Variants in LIN28B observed in about 807,000 individuals in gnomAD.
The protein encoded by LIN28B is lin-28 RNA binding posttranscriptional regulator B.
A neutral mutation model predicts 21.9 loss-of-function variants in LIN28B; 5 were observed. That is an observed-to-expected ratio of 0.23 (90% CI 0.12 to 0.48). The LOEUF is 0.48. Ranked by LOEUF, LIN28B falls within the 20% of genes least tolerant of loss-of-function variation. The pLI, the probability that LIN28B is intolerant of heterozygous loss-of-function variation, is 0.98. For missense variants in LIN28B, 245 were observed against 310.5 expected (o/e 0.79, Z 1.58); for synonymous variants, 109 against 111.3 (o/e 0.98, Z 0.13).
chr6:105,004,845 T>TA (rs1770783926), intron 2 of LIN28B, among the ~76,000 whole-genome samples: 1 of 152,190 alleles, frequency 6.6e-6, no homozygotes, highest in South Asian at 2.1e-4. Context: ...ATCATTCCTA[T>TA]AGCTTACCAT....
intron 2 of LIN28B, among the ~76,000 whole-genome samples, chr6:104,993,510 A>G (rs1770537187): frequency 6.6e-6 from 1 of 152,082 alleles, no homozygotes; most frequent in Non-Finnish European, 1.5e-5. Context: ...ATAAATGGCC[A>G]TTGTTTAATT....
At chr6:104,959,993 A>G (rs1044433787) in intron 2 of LIN28B, among the ~76,000 whole-genome samples, 3 of 152,196 alleles carry the variant, frequency 2.0e-5, no homozygotes, top group African/African-American at 7.2e-5. Flanking sequence ...ATTTGTGTTT[A>G]TACTATTTAA....
intron 2 of LIN28B, among the ~76,000 whole-genome samples, chr6:104,942,974 C>G (rs1416784878): frequency 6.6e-6 from 1 of 152,048 alleles, no homozygotes; most frequent in Admixed American, 6.5e-5. Context: ...TGTATGGTGT[C>G]TTACTATGTA....
At chr6:105,028,046 T>G (rs1241954180) in intron 3 of LIN28B, among the ~76,000 whole-genome samples, 2 of 152,228 alleles carry the variant, frequency 1.3e-5, no homozygotes, top group Non-Finnish European at 2.9e-5. Context: ...CCCATGGAGA[T>G]AATACCTGCA....
rs565111948 is a variant in LIN28B, at chr6:105,025,830, A to G, written c.199-468A>G. Among the ~76,000 whole-genome samples the G allele has an allele frequency of 2.0e-5, 3 of 152,106 alleles. No individual in the cohort carries two copies. In the South Asian group the frequency reaches 6.2e-4, roughly 32 times the overall value. On this transcript the variant is annotated intron_variant, in intron 2 of 3. Coordinates refer to ENST00000345080, the MANE Select transcript of LIN28B (RefSeq NM_001004317.4). Reference sequence around the variant, plus strand: ...CTCTTTTTTTTTTTAACTCAACAATATGACATGCTTATCTTTCTACATTAG... The same window carrying G: ...CTCTTTTTTTTTTTAACTCAACAATGTGACATGCTTATCTTTCTACATTAG...
At chr6:105,031,099 G>A (rs76879860) in intron 3 of LIN28B, among the ~76,000 whole-genome samples, 125 of 151,870 alleles carry the variant, frequency 8.2e-4, no homozygotes, top group African/African-American at 2.8e-3. Context: ...ATTTTGTGGG[G>A]AGATATTTTG....
At chr6:105,054,370 T>A (rs1771980046) in intron 3 of LIN28B, among the ~76,000 whole-genome samples, 1 of 152,228 alleles carries the variant, frequency 6.6e-6, no homozygotes, top group Admixed American at 6.5e-5. Flanking sequence ...ACCACCCTGG[T>A]GTCATTCTCT....
At chr6:105,001,923 G>A (rs890197366) in intron 2 of LIN28B, among the ~76,000 whole-genome samples, 2 of 152,166 alleles carry the variant, frequency 1.3e-5, no homozygotes, top group Admixed American at 1.3e-4. Context: ...CACAATTAAT[G>A]CAGCCCTTGT....
intron 3 of LIN28B, among the ~76,000 whole-genome samples, chr6:105,042,252 T>C (rs1582913560): frequency 6.6e-6 from 1 of 152,110 alleles, no homozygotes; most frequent in African/African-American, 2.4e-5. Context: ...CTGATACACA[T>C]AAAATAGCAC....
At chr6:104,958,467 G>A (rs1478005625) in intron 2 of LIN28B, among the ~76,000 whole-genome samples, 181 bp downstream of exon 2, 1 of 152,050 alleles carries the variant, frequency 6.6e-6, no homozygotes, top group Middle Eastern at 3.2e-3. Context: ...TGGGTTTTCT[G>A]TCTAAAGAGA....
At chr6:105,046,114 C>T (rs1259065767) in intron 3 of LIN28B, among the ~76,000 whole-genome samples, 2 of 152,076 alleles carry the variant, frequency 1.3e-5, no homozygotes, top group East Asian at 3.9e-4. Flanking sequence ...TGTGCTGCAT[C>T]CATTAACTCA....
chr6:105,043,341 CAAAAAAAAAAAAAAA>C (rs57532096), intron 3 of LIN28B, among the ~76,000 whole-genome samples: 17 of 75,384 alleles, frequency 2.3e-4, no homozygotes, highest in South Asian at 5.0e-4. Flanking sequence ...GACTCTGTCT[CAAAAAAAAAAAAAAA>C]AAAAAAAAAA....
rs189289842 is a variant in LIN28B, at chr6:105,054,794, G to T, written c.384-23620G>T. Reference sequence around the variant, plus strand: ...CCCATGGGGGAACCACACACCCGGGGTGCAAGCCAGTGAGTTTCCATGTGG... The same window carrying T: ...CCCATGGGGGAACCACACACCCGGGTTGCAAGCCAGTGAGTTTCCATGTGG... On this transcript the variant is annotated intron_variant, in intron 3 of 3. Transcript: ENST00000345080. Among the ~76,000 whole-genome samples the T allele has an allele frequency of 5.3e-5, 8 of 151,872 alleles. No individual in the cohort carries two copies. In the East Asian group the frequency reaches 1.6e-3, roughly 29 times the overall value.
chr6:105,008,414 G>A (rs1279011133), intron 2 of LIN28B, among the ~76,000 whole-genome samples: 1 of 152,074 alleles, frequency 6.6e-6, no homozygotes, highest in African/African-American at 2.4e-5. Context: ...GGAGGCCGAG[G>A]CGGGCGGATC....
intron 3 of LIN28B, among the ~76,000 whole-genome samples, chr6:105,026,866 A>G (rs1771296873): frequency 6.6e-6 from 1 of 152,172 alleles, no homozygotes; most frequent in Non-Finnish European, 1.5e-5. Context: ...GCTCACGTAT[A>G]GAAAGTCCAA....
intron 3 of LIN28B, among the ~76,000 whole-genome samples, chr6:105,064,005 T>C (rs1772176380): frequency 6.6e-6 from 1 of 151,838 alleles, no homozygotes; most frequent in Non-Finnish European, 1.5e-5. Context: ...ACAAAAGCAC[T>C]GAGAAGAAAC....
intron 2 of LIN28B, among the ~76,000 whole-genome samples, chr6:104,944,671 A>G (rs1349169922): frequency 1.3e-5 from 2 of 152,148 alleles, no homozygotes; most frequent in African/African-American, 2.4e-5. Context: ...TGAAATGAGT[A>G]CTAGTATGAA....
rs769123495 is a variant in LIN28B, at chr6:105,079,326, A to G, written c.*543A>G. 2.0e-5 allele frequency: 3 copies of G among 152,648 alleles called. No individual in the cohort carries two copies. The highest frequency in any genetic ancestry group is 2.9e-5 in the Non-Finnish European group (2 of 68,070). 9.5% of individuals were successfully genotyped at this position (152,648 alleles called of 1,614,324 possible). ...TCAGAGCTGCCAATTATGGGGTACT[A>G]AAGGTTTTTAAGACATCCAGTTCTC... On this transcript the variant is annotated 3_prime_UTR_variant, in exon 4 of 4. Transcript: ENST00000345080.
chr6:105,044,627 A>G (rs1204129872), intron 3 of LIN28B, among the ~76,000 whole-genome samples: 3 of 152,216 alleles, frequency 2.0e-5, no homozygotes, highest in East Asian at 1.9e-4. Flanking sequence ...AAACTACTTC[A>G]TATGGCTTGA....
Sources: allele counts gnomAD v4.1 joint callset (sites outside exome capture counted in the v4.1 genomes callset), GRCh38; gene constraint gnomAD v4.1.1; transcripts MANE v1.5; gene names NCBI Gene and HGNC (gene_info 2026-07-23, HGNC 2026-07-21).